The following SOS2 variants were observed in gnomAD, a reference collection of about 807,000 sequenced individuals.
SOS2 encodes son of sevenless homolog 2.
In SOS2, 65 loss-of-function variants were observed where a neutral mutation model predicts 148.2. The ratio of observed to expected loss-of-function variants is 0.44; its 90% CI spans 0.36 to 0.54. SOS2 has a LOEUF of 0.54. Ranked by LOEUF, SOS2 falls within the 20% of genes least tolerant of loss-of-function variation. The pLI is 0.00. For missense variants in SOS2, 1,341 were observed against 1,590.2 expected (o/e 0.84, Z 2.67); for synonymous variants, 539 against 537.1 (o/e 1.00, Z -0.05).
At chr14:50,229,481 C>T (rs1595043355) in intron 1 of SOS2, among the ~76,000 whole-genome samples, 2 of 147,502 alleles carry the variant, frequency 1.4e-5, no homozygotes, top group African/African-American at 5.0e-5. Context: ...GGATGCTAAT[C>T]TTGGCTTCTC....
intron 1 of SOS2, among the ~76,000 whole-genome samples, chr14:50,212,923 A>G (rs189156803): frequency 6.6e-6 from 1 of 152,212 alleles, no homozygotes; most frequent in Non-Finnish European, 1.5e-5. Context: ...GGAATCCAAG[A>G]TACCAGCAAT....
At chr14:50,126,005 T>C (rs1566817357) in intron 21 of SOS2, among the ~76,000 whole-genome samples, 1 of 152,172 alleles carries the variant, frequency 6.6e-6, no homozygotes, top group Admixed American at 6.5e-5. Context: ...ATTTCCTAAG[T>C]AAAAAATTAT....
rs544867082 is a variant in SOS2 at position 50,151,012 on chromosome 14, C to T, written c.2162-782G>A. Among the ~76,000 whole-genome samples the T allele has an allele frequency of 2.0e-5, 3 of 151,730 alleles. No homozygotes were observed. The East Asian group carries it at 5.8e-4, about 29-fold the overall frequency. ...TGCTGGGATTACAGGCGTGAGCCACCGCGCCTGGCCTAATTTTTGTATTTT... is the reference window on the plus strand; with the variant it reads ...TGCTGGGATTACAGGCGTGAGCCACTGCGCCTGGCCTAATTTTTGTATTTT... On this transcript the variant is annotated intron_variant, in intron 13 of 22. Transcript: ENST00000216373.
chr14:50,169,285 C>T (rs1227758386), intron 8 of SOS2, among the ~76,000 whole-genome samples: 1 of 151,910 alleles, frequency 6.6e-6, no homozygotes, highest in Non-Finnish European at 1.5e-5. Flanking sequence ...CATTGCACTC[C>T]AGCCTGGGCG....
At chr14:50,124,586 A>G (rs539925381) in intron 21 of SOS2, among the ~76,000 whole-genome samples, 1 of 152,310 alleles carries the variant, frequency 6.6e-6, no homozygotes, top group East Asian at 1.9e-4. Flanking sequence ...ACCAATTTAC[A>G]TGGGGATAAG....
chr14:50,121,536 G>A (rs1883512777), intron 21 of SOS2, among the ~76,000 whole-genome samples: 1 of 142,254 alleles, frequency 7.0e-6, no homozygotes, highest in African/African-American at 2.7e-5. Context: ...GGGGGAGGGG[G>A]GGGAGTCCTG....
intron 21 of SOS2, among the ~76,000 whole-genome samples, chr14:50,125,090 G>C (rs113813426): frequency 3.3e-5 from 5 of 152,294 alleles, no homozygotes; most frequent in African/African-American, 1.2e-4. Flanking sequence ...TTGGAATATA[G>C]TCTTTGCAGA....
At chr14:50,156,933 T>C (rs2139617845) in intron 12 of SOS2, 66 bp downstream of exon 12, 3 of 912,520 alleles carry the variant, frequency 3.3e-6, no homozygotes, top group South Asian at 2.0e-5. Context: ...AACTGACACA[T>C]AAAATGTGTG....
intron 12 of SOS2, among the ~76,000 whole-genome samples, chr14:50,153,855 C>T (rs1362298889): frequency 5.3e-5 from 8 of 152,156 alleles, no homozygotes; most frequent in East Asian, 1.9e-4. Context: ...TCAGGTGATC[C>T]GCCCACCTCA....
intron 5 of SOS2, among the ~76,000 whole-genome samples, chr14:50,184,052 T>C (rs2139715770): frequency 6.6e-6 from 1 of 152,356 alleles, no homozygotes; most frequent in South Asian, 2.1e-4. Context: ...TAAGTATTTG[T>C]GTATCTAAAC....
At chr14:50,205,730 G>C (rs1886637771) in intron 1 of SOS2, among the ~76,000 whole-genome samples, 1 of 152,034 alleles carries the variant, frequency 6.6e-6, no homozygotes. Context: ...TCAGAAGTTT[G>C]AGACCAGCCT....
intron 1 of SOS2, among the ~76,000 whole-genome samples, chr14:50,209,419 T>A (rs1886790803): frequency 6.6e-6 from 1 of 151,962 alleles, no homozygotes; most frequent in South Asian, 2.1e-4. Context: ...ATAAATTACC[T>A]GAACTCATAA....
Position 50,180,638 on chromosome 14 carries a change from A to G in SOS2, c.903T>C (p.Leu301=). The change falls in exon 7 of 23, where the codon CTT becomes CTC. Residue 301 remains leucine (L), a synonymous_variant. Transcript: ENST00000216373. ...TGAAATGTTCATGAAACTCTGGTGA[A>G]AGAATGTCCTGTGATAATGTTTCAT... The part of the protein sequence containing the change: ...DPYETLSQDI[L]SPEFHEHFNK... The G allele has an allele frequency of 6.2e-7, 1 of 1,606,014 alleles. No individual in the cohort carries two copies. Among genetic ancestry groups the G allele is most frequent in the Non-Finnish European group, 8.5e-7 (1 of 1,176,354 alleles).
chr14:50,164,430 ACT>A (rs981727729), intron 8 of SOS2, among the ~76,000 whole-genome samples: 51 of 151,848 alleles, frequency 3.4e-4, no homozygotes, highest in African/African-American at 1.2e-3. Context: ...ACAGAGTGAG[ACT>A]CTGTCCCCCG....
In SOS2 at chr14:50,204,292, C is replaced by A; in HGVS notation, c.205G>T (p.Asp69Tyr). The A allele has an allele frequency of 6.3e-7, 1 of 1,582,596 alleles. No individual in the cohort carries two copies. Among genetic ancestry groups the A allele is most frequent in the South Asian group, 1.2e-5 (1 of 85,168 alleles). The change falls in exon 2 of 23, where the codon GAT becomes TAT. Residue 69 changes from aspartate (D) to tyrosine (Y), a missense_variant. By Grantham distance (160) the Asp-to-Tyr change is radical. Around this residue, in one of 4 missense-constraint regions of SOS2, gnomAD observed 574 missense variants for 711.1 expected, o/e 0.81. Transcript: ENST00000216373. ...LCMAQPRTVQ[D>Y]VEERVQKTFP... The stretch of plus-strand genomic sequence containing the variant: ...GACAAAATAATTTTTACCTCTACAT[C>A]TTGAACAGTCCTTGGCTGGGCCATG...
chr14:50,133,245 T>TTTC (rs1555368443), intron 19 of SOS2, among the ~76,000 whole-genome samples: 2 of 129,506 alleles, frequency 1.5e-5, no homozygotes, highest in African/African-American at 3.1e-5. Flanking sequence ...CTTTTTTCTT[T>TTTC]TTTCTTTTTT....
Position 50,130,375 on chromosome 14 carries a change from A to AT in SOS2, c.3337+125dup, listed in dbSNP as rs1353357268. ...TTCTTGTATTAATCATTATTTTCAC[A>AT]TTTAGATATCACTTTTCACACTAAT... On this transcript the variant is annotated intron_variant, in intron 20 of 22. Coordinates refer to ENST00000216373, the MANE Select transcript of SOS2 (RefSeq NM_006939.4). The AT allele has an allele frequency of 5.3e-6, 4 of 756,478 alleles. No individual in the cohort carries two copies. The East Asian group carries it at 1.1e-4, about 20-fold the overall frequency. The allele number at this position is 756,478 out of a possible 1,614,324, so 46.9% of individuals were successfully genotyped here.
intron 21 of SOS2, among the ~76,000 whole-genome samples, chr14:50,125,091 T>A (rs1014478409): frequency 2.0e-5 from 3 of 152,168 alleles, no homozygotes; most frequent in African/African-American, 7.2e-5. Context: ...TGGAATATAG[T>A]CTTTGCAGAT....
intron 13 of SOS2, among the ~76,000 whole-genome samples, chr14:50,150,761 C>T (rs1566827904): frequency 6.6e-6 from 1 of 151,840 alleles, no homozygotes; most frequent in African/African-American, 2.4e-5. Flanking sequence ...CCCACTTTGT[C>T]ACCCAGGCTG....
Sources: allele counts gnomAD v4.1 joint callset (sites outside exome capture counted in the v4.1 genomes callset), GRCh38; gene constraint gnomAD v4.1.1; regional missense constraint gnomAD v4.1.1; transcripts MANE v1.5; gene names NCBI Gene and HGNC (gene_info 2026-07-23, HGNC 2026-07-21).